Variants in ERC1 observed in about 807,000 individuals in gnomAD.
The protein encoded by ERC1 is ELKS/RAB6-interacting/CAST family member 1, also known as RAB6 interacting protein 2.
A neutral mutation model predicts 132.0 loss-of-function variants in ERC1; 56 were observed. That is an observed-to-expected ratio of 0.42 (90% CI 0.34 to 0.53). ERC1 has a LOEUF of 0.53. ERC1 is among the 20% of genes least tolerant of loss of function. The pLI is 0.03. For missense variants in ERC1, 1,202 were observed against 1,349.9 expected, an observed-to-expected ratio of 0.89 and a Z score of 1.72; for synonymous variants, 478 against 476.1, an observed-to-expected ratio of 1.00 and a Z score of -0.05.
intron 12 of ERC1, among the ~76,000 whole-genome samples, chr12:1,217,616 A>G (rs1231767630): frequency 6.6e-6 from 1 of 152,202 alleles, no homozygotes. Context: ...GATACAATTC[A>G]GCTCTGGCCA....
chr12:1,409,204 C>T (rs1201859348), intron 17 of ERC1, among the ~76,000 whole-genome samples: 3 of 152,172 alleles, frequency 2.0e-5, no homozygotes, highest in Admixed American at 6.5e-5. Context: ...CCAGTTGAGG[C>T]AAGCCTTGTA....
chr12:1,222,208 T>G (rs74576962), intron 12 of ERC1, among the ~76,000 whole-genome samples: 3,487 of 150,998 alleles, frequency 0.023, 56 homozygotes, highest in East Asian at 0.073. Context: ...AGGACTATTA[T>G]GAGTGTACAT....
At chr12:1,029,523 GAAAATAAA>G (rs1344662793) in intron 2 of ERC1, among the ~76,000 whole-genome samples, 9 of 152,214 alleles carry the variant, frequency 5.9e-5, no homozygotes, top group African/African-American at 2.2e-4. Flanking sequence ...TTTACTTGTA[GAAAATAAA>G]TGAGATGACT....
intron 15 of ERC1, among the ~76,000 whole-genome samples, chr12:1,329,119 C>A (rs1254465274): frequency 6.9e-6 from 1 of 145,620 alleles, no homozygotes; most frequent in Non-Finnish European, 1.5e-5. Flanking sequence ...CATAGTGAAA[C>A]CCCATCTCTA....
chr12:1,304,892 C>T (rs186444463), intron 15 of ERC1, among the ~76,000 whole-genome samples: 2 of 147,608 alleles, frequency 1.4e-5, no homozygotes, highest in Non-Finnish European at 3.0e-5. Flanking sequence ...CGGGTTGACG[C>T]CATTCTCCTA....
intron 18 of ERC1, among the ~76,000 whole-genome samples, chr12:1,481,489 G>C (rs1253319561): frequency 6.6e-6 from 1 of 152,202 alleles, no homozygotes; most frequent in African/African-American, 2.4e-5. Flanking sequence ...TGATCCTTGA[G>C]ATTCTTTCAA....
At chr12:1,156,075 T>C (rs1951362951) in intron 8 of ERC1, among the ~76,000 whole-genome samples, 1 of 152,030 alleles carries the variant, frequency 6.6e-6, no homozygotes, top group African/African-American at 2.4e-5. Flanking sequence ...ATCATACTTT[T>C]TATTAATTTA....
chr12:1,389,210 T>G (rs1425733611), intron 16 of ERC1, among the ~76,000 whole-genome samples: 1 of 152,154 alleles, frequency 6.6e-6, no homozygotes, highest in Non-Finnish European at 1.5e-5. Context: ...ACATGCTTAT[T>G]TTTAGTAGAG....
chr12:1,179,574 C>G (rs975640483), intron 8 of ERC1, among the ~76,000 whole-genome samples: 2 of 131,352 alleles, frequency 1.5e-5, no homozygotes, highest in African/African-American at 2.8e-5. Context: ...GTGGCGGGAT[C>G]TCGGCTCACT....
At chr12:1,424,825 AGATAGATAGATAGATAGAT>A (rs1455032391) in intron 17 of ERC1, among the ~76,000 whole-genome samples, 12 of 138,630 alleles carry the variant, frequency 8.7e-5, no homozygotes, top group South Asian at 2.4e-4. Flanking sequence ...ATAGATAGAT[AGATAGATAGATAGATAGAT>A]GATAGATAGA....
chr12:1,318,130 T>G (rs2081893869), intron 15 of ERC1, among the ~76,000 whole-genome samples: 1 of 152,220 alleles, frequency 6.6e-6, no homozygotes, highest in Non-Finnish European at 1.5e-5. Flanking sequence ...TAAGATTTGT[T>G]TATCAAGGAA....
intron 8 of ERC1, among the ~76,000 whole-genome samples, chr12:1,164,308 T>C (rs1952171857): frequency 1.5e-5 from 2 of 133,986 alleles, no homozygotes; most frequent in South Asian, 4.2e-4. Context: ...TTTTATTTTA[T>C]GTTATTTTAT....
At chr12:1,395,564 A>G (rs1012013552) in intron 16 of ERC1, among the ~76,000 whole-genome samples, 4 of 152,198 alleles carry the variant, frequency 2.6e-5, no homozygotes, top group African/African-American at 9.6e-5. Context: ...GGTAATTGGA[A>G]TTAACCATTA....
At chr12:1,140,694 A>G (rs572363794) in intron 7 of ERC1, among the ~76,000 whole-genome samples, 3 of 152,262 alleles carry the variant, frequency 2.0e-5, no homozygotes, top group East Asian at 1.9e-4. Context: ...ACCATACTTG[A>G]TTTCTTAGAT....
intron 1 of ERC1, among the ~76,000 whole-genome samples, chr12:996,895 C>T (rs1483144320): frequency 3.3e-5 from 5 of 152,094 alleles, no homozygotes; most frequent in Non-Finnish European, 5.9e-5. Context: ...AACATTTTAT[C>T]TTCCACTCTG....
intron 15 of ERC1, among the ~76,000 whole-genome samples, chr12:1,360,310 A>G (rs1318055956): frequency 1.3e-5 from 2 of 152,234 alleles, no homozygotes; most frequent in African/African-American, 4.8e-5. Flanking sequence ...TTGGCTATGA[A>G]GTAGAAGAAT....
intron 1 of ERC1, among the ~76,000 whole-genome samples, chr12:1,003,115 GACTC>G (rs890628426): frequency 1.7e-5 from 1 of 59,578 alleles, no homozygotes; most frequent in Non-Finnish European, 4.3e-5. Flanking sequence ...AAAAAAAAAA[GACTC>G]AAAAAAAAAA....
At chr12:1,373,973 C>T (rs2087563047) in intron 16 of ERC1, among the ~76,000 whole-genome samples, 1 of 152,186 alleles carries the variant, frequency 6.6e-6, no homozygotes, top group Admixed American at 6.5e-5. Flanking sequence ...CAGTCATCTC[C>T]TGCCTCCCTT....
At chr12:1,405,971 T>C (rs2091462811) in intron 16 of ERC1, among the ~76,000 whole-genome samples, 1 of 152,206 alleles carries the variant, frequency 6.6e-6, no homozygotes, top group African/African-American at 2.4e-5. Flanking sequence ...TATACACGTA[T>C]ACATATATGT....
Sources: allele counts gnomAD v4.1 joint callset (sites outside exome capture counted in the v4.1 genomes callset), GRCh38; gene constraint gnomAD v4.1.1; transcripts MANE v1.5; gene names NCBI Gene and HGNC (gene_info 2026-07-23, HGNC 2026-07-21).